The following ZBTB8A variants were observed in gnomAD, a reference collection of about 807,000 sequenced individuals.
The protein encoded by ZBTB8A is zinc finger and BTB domain-containing protein 8A.
ZBTB8A carries 19 observed loss-of-function variants against 37.8 expected under a neutral mutation model. That is an observed-to-expected ratio of 0.50 (90% confidence interval 0.35 to 0.74). The LOEUF is 0.74. ZBTB8A is among the 30% of genes least tolerant of loss of function. The pLI is 0.01. For missense variants in ZBTB8A, 394 were observed against 537.8 expected, an observed-to-expected ratio of 0.73 and a Z score of 2.65; for synonymous variants, 181 against 185.2, an observed-to-expected ratio of 0.98 and a Z score of 0.19.
At chr1:32,599,674 A>G (rs774850272) in intron 4 of ZBTB8A, among the ~76,000 whole-genome samples, 3 of 152,018 alleles carry the variant, frequency 2.0e-5, no homozygotes, top group African/African-American at 4.8e-5. Flanking sequence ...CCGAGATTGC[A>G]CTATTGCACT....
intron 2 of ZBTB8A, among the ~76,000 whole-genome samples, chr1:32,571,761 C>T (rs1644324250): frequency 6.7e-6 from 1 of 148,304 alleles, no homozygotes; most frequent in African/African-American, 2.5e-5. Flanking sequence ...ACTTTTAGTA[C>T]AGATAAGGTT....
chr1:32,555,154 C>G (rs557927601), intron 2 of ZBTB8A, among the ~76,000 whole-genome samples: 306 of 152,260 alleles, frequency 2.0e-3, no homozygotes, highest in Non-Finnish European at 3.1e-3. Context: ...CTTTGGGAGG[C>G]CGAGGCGGGC....
At chr1:32,597,058 G>T (rs957086488) in intron 4 of ZBTB8A, among the ~76,000 whole-genome samples, 4 of 152,048 alleles carry the variant, frequency 2.6e-5, no homozygotes, top group Non-Finnish European at 5.9e-5. Context: ...CCAGGCTGGA[G>T]TGTAATGGCG....
intron 2 of ZBTB8A, among the ~76,000 whole-genome samples, chr1:32,566,426 A>G (rs945462225): frequency 2.0e-5 from 3 of 151,144 alleles, no homozygotes; most frequent in African/African-American, 7.3e-5. Context: ...TCAGGAGGCT[A>G]AGGTGGGAGG....
At chr1:32,585,502 T>C (rs1296183122) in intron 2 of ZBTB8A, among the ~76,000 whole-genome samples, 1 of 152,040 alleles carries the variant, frequency 6.6e-6, no homozygotes, top group African/African-American at 2.4e-5. Context: ...AACAAAAATA[T>C]GTAAGATCTT....
chr1:32,591,905 G>A (rs572830762), intron 2 of ZBTB8A, among the ~76,000 whole-genome samples: 30 of 151,858 alleles, frequency 2.0e-4, no homozygotes, highest in African/African-American at 7.3e-5. Flanking sequence ...AGTGCATGGC[G>A]CAACCTCGGC....
Position 32,601,034 on chromosome 1 carries a change from A to G in ZBTB8A, c.*615A>G, listed in dbSNP as rs1243673686. ...TTTGAAATTTTTATCATTAGCTTAA[A>G]AATTACTCTCAGTATTGTTAAAAAA... On this transcript the variant is annotated 3_prime_UTR_variant, in exon 5 of 5. Coordinates refer to ENST00000373510, the MANE Select transcript of ZBTB8A (RefSeq NM_001040441.3). 1.3e-5 allele frequency: 2 copies of G among 152,072 alleles called. No individual in the cohort carries two copies. Among genetic ancestry groups the G allele is most frequent in the Non-Finnish European group, 2.9e-5 (2 of 68,054 alleles). 9.4% of individuals were successfully genotyped at this position (152,072 alleles called of 1,614,324 possible).
intron 2 of ZBTB8A, among the ~76,000 whole-genome samples, chr1:32,575,030 C>T (rs1644349533): frequency 6.6e-6 from 1 of 152,056 alleles, no homozygotes; most frequent in South Asian, 2.1e-4. Context: ...CCACTTTGGC[C>T]TCTCAAAGTG....
At chr1:32,585,998 C>G (rs1644445705) in intron 2 of ZBTB8A, among the ~76,000 whole-genome samples, 1 of 149,186 alleles carries the variant, frequency 6.7e-6, no homozygotes, top group African/African-American at 2.5e-5. Flanking sequence ...AGTGAAATTC[C>G]GTCTCAAAAA....
intron 1 of ZBTB8A, among the ~76,000 whole-genome samples, chr1:32,546,465 A>G (rs1177570076): frequency 1.3e-5 from 2 of 151,696 alleles, no homozygotes; most frequent in African/African-American, 4.8e-5. Flanking sequence ...TAAATAAATA[A>G]ATAAAAGATT....
chr1:32,591,812 A>G (rs1644492069), intron 2 of ZBTB8A, among the ~76,000 whole-genome samples: 1 of 152,070 alleles, frequency 6.6e-6, no homozygotes, highest in Admixed American at 6.6e-5. Flanking sequence ...CTAAAATCTA[A>G]TAACGGTCTA....
intron 2 of ZBTB8A, among the ~76,000 whole-genome samples, chr1:32,586,852 G>A (rs1644453338): frequency 6.6e-6 from 1 of 152,084 alleles, no homozygotes; most frequent in Non-Finnish European, 1.5e-5. Flanking sequence ...ACCATTGGAA[G>A]GTTTTGTGCA....
intron 1 of ZBTB8A, among the ~76,000 whole-genome samples, chr1:32,552,361 C>T (rs1045188502): frequency 1.3e-5 from 2 of 152,000 alleles, no homozygotes; most frequent in African/African-American, 2.4e-5. Flanking sequence ...GAGACTGTCT[C>T]AAAAAATAAA....
intron 1 of ZBTB8A, among the ~76,000 whole-genome samples, chr1:32,545,805 C>T (rs988332065): frequency 1.6e-4 from 25 of 152,206 alleles, no homozygotes; most frequent in African/African-American, 5.5e-4. Flanking sequence ...TTCTTTTCAT[C>T]CTTCAAGACC....
At chr1:32,540,537 C>T (rs1644044761) in intron 1 of ZBTB8A, among the ~76,000 whole-genome samples, 1 of 152,160 alleles carries the variant, frequency 6.6e-6, no homozygotes, top group Non-Finnish European at 1.5e-5. Flanking sequence ...GGCGTTTCAC[C>T]TCTAGGCTAG....
At chr1:32,551,709 A>C (rs12132632) in intron 1 of ZBTB8A, among the ~76,000 whole-genome samples, 33,048 of 151,332 alleles carry the variant, frequency 0.22, 3,759 homozygotes, top group Middle Eastern at 0.31. Flanking sequence ...AACTCCATCT[A>C]AAAAAAAATA....
intron 1 of ZBTB8A, among the ~76,000 whole-genome samples, chr1:32,550,084 G>A (rs553520711): frequency 2.6e-4 from 39 of 152,212 alleles, no homozygotes; most frequent in African/African-American, 4.6e-4. Flanking sequence ...GATGCCGGTC[G>A]TGGTGGCTCA....
intron 1 of ZBTB8A, among the ~76,000 whole-genome samples, chr1:32,547,246 C>T (rs1018853710): frequency 6.6e-6 from 1 of 151,968 alleles, no homozygotes; most frequent in Admixed American, 6.6e-5. Context: ...TTTTTCATCA[C>T]CAGAAGATAC....
At chr1:32,588,284 C>T (rs1042990100) in intron 2 of ZBTB8A, among the ~76,000 whole-genome samples, 1 of 152,030 alleles carries the variant, frequency 6.6e-6, no homozygotes, top group Non-Finnish European at 1.5e-5. Flanking sequence ...ACCGAGCCTT[C>T]AACCTGTGGG....
Sources: allele counts gnomAD v4.1 joint callset (sites outside exome capture counted in the v4.1 genomes callset), GRCh38; gene constraint gnomAD v4.1.1; transcripts MANE v1.5; gene names NCBI Gene and HGNC (gene_info 2026-07-23, HGNC 2026-07-21).